ANO3: variants seen among roughly 807,000 people sequenced by gnomAD.
The protein encoded by ANO3 is anoctamin-3.
Under a neutral mutation model 144.8 loss-of-function variants are expected in ANO3, and 99 were observed. The observed-to-expected ratio is 0.68, with a 90% CI of 0.58 to 0.81. ANO3 has a LOEUF of 0.81. Among genes scored for constraint, ANO3 ranks in the 30% least tolerant of loss-of-function variants. The pLI is 0.00. For missense variants in ANO3, 905 were observed against 1,202.2 expected (o/e 0.75, Z 3.66); for synonymous variants, 414 against 392.6 (o/e 1.05, Z -0.64).
intron 4 of ANO3, among the ~76,000 whole-genome samples, chr11:26,482,526 T>A (rs1054901458): frequency 1.3e-5 from 2 of 151,894 alleles, no homozygotes; most frequent in Middle Eastern, 3.2e-3. Flanking sequence ...TTTTCACCTC[T>A]GTGTAAGGGA....
rs1852011547 is a variant in ANO3, at chr11:26,215,124, T to C, written c.154+25794T>C. On this transcript the variant is annotated intron_variant, in intron 1 of 27. Coordinates refer to the ANO3 transcript ENST00000672621. Reference sequence around the variant, plus strand: ...TGAGGTGGTGTTTGTCAGGTTTCTCTATATATTTATTTTTCTTCCCCTTAC... The same window carrying C: ...TGAGGTGGTGTTTGTCAGGTTTCTCCATATATTTATTTTTCTTCCCCTTAC... Among the ~76,000 whole-genome samples the C allele has an allele frequency of 2.0e-5, 3 of 152,050 alleles. No homozygotes were observed. In the South Asian group the frequency reaches 6.2e-4, roughly 32 times the overall value.
intron 1 of ANO3, among the ~76,000 whole-genome samples, chr11:26,238,948 G>A (rs1429695024): frequency 6.6e-6 from 1 of 150,846 alleles, no homozygotes; most frequent in East Asian, 1.9e-4. Flanking sequence ...ATTTCTTTTT[G>A]CATTTTATGG....
At chr11:26,462,927 A>G (rs971972746) in intron 3 of ANO3, 103 bp from the exon 4 acceptor site, 5 of 492,240 alleles carry the variant, frequency 1.0e-5, no homozygotes, top group Non-Finnish European at 1.8e-5. Context: ...GTATATATAT[A>G]GGCTAAACTC....
rs186148623 is a variant in ANO3, at chr11:26,291,698, G to A, written c.155-17947G>A. Among the ~76,000 whole-genome samples the A allele has an allele frequency of 1.0e-3, 158 of 152,262 alleles. 2 individuals carry two copies. In the East Asian group the frequency reaches 0.027, roughly 26 times the overall value. On this transcript the variant is annotated intron_variant, in intron 1 of 27. Coordinates refer to the ANO3 transcript ENST00000672621. ...AGTTTGACTGGATATGAAATTCTGG[G>A]TTGAAATTTCTTTTCTTTAAGAATG...
chr11:26,204,136 AC>A (rs979787940), intron 1 of ANO3, among the ~76,000 whole-genome samples: 1 of 151,692 alleles, frequency 6.6e-6, no homozygotes, highest in African/African-American at 2.4e-5. Flanking sequence ...AAACCTCTAC[AC>A]CCCCTCTGGG....
At chr11:26,406,255 T>C (rs6484207) in intron 1 of ANO3, among the ~76,000 whole-genome samples, 96,815 of 151,610 alleles carry the variant, frequency 0.64, 33,634 homozygotes, top group Admixed American at 0.78. Flanking sequence ...AGCAAGACAG[T>C]GCTGTCATCC....
chr11:26,417,734 G>C (rs1415087024), intron 1 of ANO3, among the ~76,000 whole-genome samples: 1 of 151,894 alleles, frequency 6.6e-6, no homozygotes, highest in African/African-American at 2.4e-5. Context: ...TTTTAAAAAT[G>C]AAGGCCCAAA....
At chr11:26,645,806 C>T (rs190152362) in intron 23 of ANO3, among the ~76,000 whole-genome samples, 4 of 152,120 alleles carry the variant, frequency 2.6e-5, no homozygotes, top group Admixed American at 1.3e-4. Flanking sequence ...CCATGGCACA[C>T]GTTTACCTCT....
chr11:26,309,581 C>G (rs1356443949), upstream of ANO3: 1 of 792,550 alleles, frequency 1.3e-6, no homozygotes, highest in Non-Finnish European at 1.5e-6. Context: ...TAATTTTCTA[C>G]TCTCTTTCTG....
intron 1 of ANO3, among the ~76,000 whole-genome samples, chr11:26,322,823 A>G (rs1809916400): frequency 6.6e-6 from 1 of 152,014 alleles, no homozygotes; most frequent in Non-Finnish European, 1.5e-5. Context: ...TATTTAGCTC[A>G]TACTAAGGAA....
At chr11:26,221,880 C>A (rs923058858) in intron 1 of ANO3, among the ~76,000 whole-genome samples, 1 of 152,164 alleles carries the variant, frequency 6.6e-6, no homozygotes, top group Non-Finnish European at 1.5e-5. Flanking sequence ...CCTCCATGAC[C>A]TAAATACCTC....
At chr11:26,652,145 T>C (rs1230103449) in intron 24 of ANO3, among the ~76,000 whole-genome samples, 1 of 152,204 alleles carries the variant, frequency 6.6e-6, no homozygotes, top group Non-Finnish European at 1.5e-5. Context: ...TGCAGCTGCA[T>C]GCAAATGAAG....
intron 1 of ANO3, among the ~76,000 whole-genome samples, chr11:26,298,072 C>T (rs113099727): frequency 0.07 from 10,687 of 152,224 alleles, 418 homozygotes; most frequent in South Asian, 0.094. Context: ...CTCTTCTCTG[C>T]CTGGATTCTC....
intron 4 of ANO3, among the ~76,000 whole-genome samples, chr11:26,485,340 T>C (rs1259126588): frequency 6.6e-6 from 1 of 152,064 alleles, no homozygotes; most frequent in Non-Finnish European, 1.5e-5. Flanking sequence ...TTCATGTTAA[T>C]GAGTAAGTTC....
At chr11:26,316,652 G>A (rs770312804) in intron 1 of ANO3, among the ~76,000 whole-genome samples, 1 of 152,162 alleles carries the variant, frequency 6.6e-6, no homozygotes, top group East Asian at 1.9e-4. Context: ...TACAAGAGCC[G>A]TGGCAAGGTA....
At position 26,476,930 on chromosome 11, in the gene ANO3, T is replaced by TGA. The variant is rs1491571549; in HGVS notation, c.432+13783_432+13784insAG. On this transcript the variant is annotated intron_variant, in intron 4 of 26. Transcript: ENST00000256737. ...GTGTGTGTGTGTGTGTGTGTGTGTG[T>TGA]GTGAGAGAGAGAGAGAGAGAGACTT... 1.1e-4 allele frequency among the ~76,000 whole-genome samples: 16 copies of TGA among 145,002 alleles called. 1 individual carries two copies. In the South Asian group the frequency reaches 1.6e-3, roughly 14 times the overall value.
intron 1 of ANO3, among the ~76,000 whole-genome samples, chr11:26,355,976 A>T (rs556250039): frequency 1.3e-5 from 2 of 152,212 alleles, no homozygotes; most frequent in East Asian, 3.9e-4. Flanking sequence ...TGGTTGTAGG[A>T]GGTTTTCTTT....
chr11:26,291,261 G>T (rs1221858077), intron 1 of ANO3, among the ~76,000 whole-genome samples: 12 of 151,918 alleles, frequency 7.9e-5, no homozygotes, highest in Non-Finnish European at 1.8e-4. Context: ...CATTTGCTTG[G>T]TAGGTCTTCC....
intron 4 of ANO3, among the ~76,000 whole-genome samples, chr11:26,488,269 C>G (rs1860546749): frequency 6.6e-6 from 1 of 152,008 alleles, no homozygotes; most frequent in African/African-American, 2.4e-5. Flanking sequence ...AAAAGAAAAC[C>G]CCATTTTTTG....
Sources: allele counts gnomAD v4.1 joint callset (sites outside exome capture counted in the v4.1 genomes callset), GRCh38; gene constraint gnomAD v4.1.1; transcripts MANE v1.5; gene names NCBI Gene and HGNC (gene_info 2026-07-23, HGNC 2026-07-21).